HS3ST4: variants seen among roughly 807,000 people sequenced by gnomAD.
HS3ST4 encodes the protein heparan sulfate-glucosamine 3-sulfotransferase 4.
A neutral mutation model predicts 29.2 loss-of-function variants in HS3ST4; 17 were observed. The ratio of observed to expected loss-of-function variants is 0.58; its 90% CI spans 0.40 to 0.87. HS3ST4 has a LOEUF of 0.87. HS3ST4 is among the 40% of genes least tolerant of loss of function. The pLI, the probability that HS3ST4 is intolerant of heterozygous loss-of-function variation, is 0.00. For synonymous variants in HS3ST4, 314 were observed against 285.7 expected (o/e 1.10, Z -1.00); for missense variants, 627 against 634.5 (o/e 0.99, Z 0.13).
intron 1 of HS3ST4, among the ~76,000 whole-genome samples, chr16:25,738,367 T>C (rs1966626422): frequency 6.6e-6 from 1 of 152,202 alleles, no homozygotes; most frequent in Non-Finnish European, 1.5e-5. Flanking sequence ...ACCCTGGCCT[T>C]CTCTCTCTTC....
At chr16:26,110,758 G>A (rs1899117922) in intron 1 of HS3ST4, among the ~76,000 whole-genome samples, 1 of 152,046 alleles carries the variant, frequency 6.6e-6, no homozygotes, top group African/African-American at 2.4e-5. Context: ...ACTCCTCACG[G>A]CACTCAGAAT....
intron 1 of HS3ST4, among the ~76,000 whole-genome samples, chr16:26,024,194 G>A (rs145406596): frequency 6.2e-4 from 90 of 145,134 alleles, no homozygotes; most frequent in Non-Finnish European, 1.1e-3. Context: ...CTGCACTCCA[G>A]CCCAGGCAAC....
At chr16:25,823,941 A>G (rs1175108410) in intron 1 of HS3ST4, among the ~76,000 whole-genome samples, 2 of 152,206 alleles carry the variant, frequency 1.3e-5, no homozygotes, top group African/African-American at 4.8e-5. Context: ...AAAATTTGCT[A>G]ACAGCCTAAA....
rs563496975 is a variant in HS3ST4, at chr16:25,876,590, A to G, written c.734+183439A>G. 2.0e-5 allele frequency among the ~76,000 whole-genome samples: 3 copies of G among 152,214 alleles called. No homozygotes were observed. The South Asian group carries it at 6.2e-4, about 32-fold the overall frequency. Reference sequence around the variant, plus strand: ...GTCCCCTCATCTCTTATTGGTTCTAATTAGTCAAGAAAATGGAATATGTGG... The same window carrying G: ...GTCCCCTCATCTCTTATTGGTTCTAGTTAGTCAAGAAAATGGAATATGTGG... On this transcript the variant is annotated intron_variant, in intron 1 of 1. Coordinates refer to ENST00000331351, the MANE Select transcript of HS3ST4 (RefSeq NM_006040.3).
At chr16:25,850,268 G>A (rs550564941) in intron 1 of HS3ST4, among the ~76,000 whole-genome samples, 14 of 152,232 alleles carry the variant, frequency 9.2e-5, no homozygotes, top group African/African-American at 3.1e-4. Flanking sequence ...GATTACAGGC[G>A]TGAGCCACTG....
At chr16:25,966,955 C>T (rs1968848767) in intron 1 of HS3ST4, among the ~76,000 whole-genome samples, 1 of 152,002 alleles carries the variant, frequency 6.6e-6, no homozygotes, top group African/African-American at 2.4e-5. Context: ...GCACAGGGTA[C>T]CCAGGCCTGC....
intron 1 of HS3ST4, among the ~76,000 whole-genome samples, chr16:25,998,989 TG>T (rs1367791917): frequency 2.6e-5 from 4 of 152,180 alleles, no homozygotes; most frequent in Non-Finnish European, 4.4e-5. Flanking sequence ...TGAGAAGGTA[TG>T]TTTTTTTAAG....
intron 1 of HS3ST4, among the ~76,000 whole-genome samples, chr16:25,813,104 T>C (rs1454496133): frequency 6.6e-6 from 1 of 152,058 alleles, no homozygotes; most frequent in Non-Finnish European, 1.5e-5. Context: ...ACAATACAAA[T>C]ACACAAGCAC....
At chr16:25,820,348 A>G (rs1165483529) in intron 1 of HS3ST4, among the ~76,000 whole-genome samples, 3 of 152,132 alleles carry the variant, frequency 2.0e-5, no homozygotes, top group African/African-American at 7.2e-5. Context: ...AAGTTAGGAC[A>G]GCTCTTTGAC....
intron 1 of HS3ST4, among the ~76,000 whole-genome samples, chr16:25,897,739 G>A (rs1313537213): frequency 2.0e-5 from 3 of 152,034 alleles, no homozygotes; most frequent in Admixed American, 1.3e-4. Context: ...CCTGGGGGAG[G>A]TGCTGGATTG....
At chr16:26,022,506 G>A (rs954179707) in intron 1 of HS3ST4, among the ~76,000 whole-genome samples, 1 of 152,070 alleles carries the variant, frequency 6.6e-6, no homozygotes, top group Non-Finnish European at 1.5e-5. Flanking sequence ...TTTAAGCTTT[G>A]TGGTCCAGGA....
intron 1 of HS3ST4, among the ~76,000 whole-genome samples, chr16:25,813,324 G>A (rs559967168): frequency 2.5e-4 from 38 of 152,240 alleles, no homozygotes; most frequent in African/African-American, 7.0e-4. Flanking sequence ...GCAACTGGGC[G>A]GAACATTAAC....
intron 1 of HS3ST4, among the ~76,000 whole-genome samples, chr16:25,704,329 C>T (rs117101353): frequency 6.6e-6 from 1 of 152,190 alleles, no homozygotes; most frequent in African/African-American, 2.4e-5. Flanking sequence ...CTATAGCACA[C>T]AACATTATTT....
chr16:25,934,652 CAG>C (rs1358755033), intron 1 of HS3ST4, among the ~76,000 whole-genome samples: 1 of 152,152 alleles, frequency 6.6e-6, no homozygotes, highest in Non-Finnish European at 1.5e-5. Flanking sequence ...CAGGAGACAG[CAG>C]AGTTTGTGAA....
intron 1 of HS3ST4, among the ~76,000 whole-genome samples, chr16:25,970,419 T>A (rs1285292012): frequency 6.6e-6 from 1 of 152,234 alleles, no homozygotes; most frequent in African/African-American, 2.4e-5. Context: ...TTTTTATACA[T>A]GAATTAGTAA....
intron 1 of HS3ST4, among the ~76,000 whole-genome samples, chr16:26,132,744 C>T (rs909282833): frequency 6.6e-6 from 1 of 152,018 alleles, no homozygotes; most frequent in Non-Finnish European, 1.5e-5. Flanking sequence ...AGCAGCTGCT[C>T]CTACACTAAA....
intron 1 of HS3ST4, among the ~76,000 whole-genome samples, chr16:25,919,617 G>C (rs1968327343): frequency 6.6e-6 from 1 of 152,178 alleles, no homozygotes; most frequent in Non-Finnish European, 1.5e-5. Context: ...CTGAGCCATG[G>C]CAAATCTTAA....
At position 26,137,656 on chromosome 16, in the gene HS3ST4, C is replaced by T. The variant is rs1191155737; in HGVS notation, c.*1408C>T. On this transcript the variant is annotated 3_prime_UTR_variant, in exon 2 of 2. Transcript: ENST00000331351. ...GTCATTTCTCCCGCTAAATGAAAAC[C>T]GTGTTGTTATAAAGCTTAATGCAAC... The T allele has an allele frequency of 6.6e-6, 1 of 152,114 alleles. No individual in the cohort carries two copies. The highest frequency in any genetic ancestry group is 6.6e-5 in the Admixed American group (1 of 15,264). The allele number at this position is 152,114 out of a possible 1,614,324, so 9.4% of individuals were successfully genotyped here. A position where few individuals can be genotyped will look rare whatever the true frequency, so the allele number is the denominator to read the frequency against.
chr16:25,725,028 T>C (rs1163603004), intron 1 of HS3ST4, among the ~76,000 whole-genome samples: 4 of 97,444 alleles, frequency 4.1e-5, no homozygotes, highest in African/African-American at 1.4e-4. Context: ...TCTTCCTTCC[T>C]CCCTCTTTTT....
Sources: allele counts gnomAD v4.1 joint callset (sites outside exome capture counted in the v4.1 genomes callset), GRCh38; gene constraint gnomAD v4.1.1; transcripts MANE v1.5; gene names NCBI Gene and HGNC (gene_info 2026-07-23, HGNC 2026-07-21).